The following TULP1 variants were observed in gnomAD, a reference collection of about 807,000 sequenced individuals.
TULP1 encodes the protein tubby-related protein 1.
TULP1 carries 50 observed loss-of-function variants against 67.1 expected under a neutral mutation model. That is an observed-to-expected ratio of 0.75 (90% CI 0.59 to 0.94). The LOEUF is 0.94. Ranked by LOEUF, TULP1 falls within the 40% of genes least tolerant of loss-of-function variation. The pLI is 0.00. For missense variants in TULP1, 746 were observed against 734.1 expected (o/e 1.02, Z -0.19); for synonymous variants, 297 against 294.0 (o/e 1.01, Z -0.11).
At chr6:35,512,150 G>A in intron 3 of TULP1, 30 bp downstream of exon 3, 1 of 1,306,868 alleles carries the variant, frequency 7.7e-7, no homozygotes, top group African/African-American at 1.5e-5. Flanking sequence ...CACACCCTGG[G>A]GGTCCACCCG....
intron 8 of TULP1, among the ~76,000 whole-genome samples, chr6:35,508,822 G>A (rs980405445): frequency 1.3e-5 from 2 of 152,120 alleles, no homozygotes; most frequent in African/African-American, 4.8e-5. Context: ...GCTGTAGGGT[G>A]GAAACATTTT....
chr6:35,498,565 C>T lies in TULP1; in HGVS notation c.1496-105G>A, dbSNP rs1768759349. The T allele has an allele frequency of 2.6e-6, 4 of 1,533,410 alleles. No individual in the cohort carries two copies. The South Asian group carries it at 4.7e-5, about 18-fold the overall frequency. The allele number at this position is 1,533,410 out of a possible 1,614,324, so 95.0% of individuals were successfully genotyped here. ...GGGCAGTCTGTCCCTTGCCTTGGGGCTCCAACCCTCAGCCACCATCTCAGT... is the reference window on the plus strand; with the variant it reads ...GGGCAGTCTGTCCCTTGCCTTGGGGTTCCAACCCTCAGCCACCATCTCAGT... On this transcript the variant is annotated intron_variant, in intron 14 of 14. Coordinates refer to ENST00000229771, the MANE Select transcript of TULP1 (RefSeq NM_003322.6). This position sits in a 1 kb window ranked among gnomAD's most constrained non-coding sequence, Gnocchi z 6.7.
At position 35,498,332 on chromosome 6, in the gene TULP1, C is replaced by A; in HGVS notation, c.1624G>T (p.Glu542Ter). 1 of 1,612,262 alleles carries A rather than the reference C, an allele frequency of 6.2e-7. No homozygotes were observed. Among genetic ancestry groups the A allele is most frequent in the Non-Finnish European group, 8.5e-7 (1 of 1,179,424 alleles). ...GCGCTGAGGGGCTGCTGGGGTCACTCGCAGGCCAGCTTCCCGTCGAAACTG... is the reference window on the plus strand; with the variant it reads ...GCGCTGAGGGGCTGCTGGGGTCACTAGCAGGCCAGCTTCCCGTCGAAACTG... Reference protein sequence around the residue: ...LSSFDGKLACE With the variant: ...LSSFDGKLAC Residue 542 changes from glutamate (E) to a stop codon, truncating the protein, a stop_gained, in exon 15 of 15, where the codon GAG becomes TAG. Coordinates refer to ENST00000229771, the MANE Select transcript of TULP1 (RefSeq NM_003322.6). LOFTEE classifies it high-confidence loss of function. This position sits in a 1 kb window ranked among gnomAD's most constrained non-coding sequence, Gnocchi z 6.7.
Position 35,511,759 on chromosome 6 carries a change from G to A in TULP1, c.238C>T (p.Gln80Ter), listed in dbSNP as rs1309100490. 3 of 1,582,762 alleles carry A rather than the reference G, an allele frequency of 1.9e-6. No individual in the cohort carries two copies. The highest frequency in any genetic ancestry group is 1.3e-5 in the African/African-American group (1 of 74,186). Residue 80 changes from glutamine (Q) to a stop codon, truncating the protein, a stop_gained, in exon 4 of 15, where the codon CAG (glutamine) becomes TAG (stop). Transcript: ENST00000229771. LOFTEE classifies it high-confidence loss of function. ...PREEPSPDPA[Q>*]ARAPQTVYAR... The stretch of plus-strand genomic sequence containing the variant: ...TAGACCGTCTGCGGCGCCCGGGCCT[G>A]GGCTGGGTCTGGGGAAGGCTCCTCC...
chr6:35,512,103 ACC>A (rs1761220309), intron 3 of TULP1, 75 bp downstream of exon 3: 1 of 687,722 alleles, frequency 1.5e-6, no homozygotes, highest in African/African-American at 2.1e-5. Context: ...GCTCGGCGAC[ACC>A]CGCGCCGGCC....
rs377661292 is a variant in TULP1 at position 35,510,042 on chromosome 6, G to A, written c.500-114C>T. On this transcript the variant is annotated intron_variant, in intron 5 of 14. Coordinates refer to ENST00000229771, the MANE Select transcript of TULP1 (RefSeq NM_003322.6). ...CAGGGAGGCTGAAAGCTTGACAGGGGCCCACAGCCTGCCTTCTTTTTCTTT... is the reference window on the plus strand; with the variant it reads ...CAGGGAGGCTGAAAGCTTGACAGGGACCCACAGCCTGCCTTCTTTTTCTTT... The A allele has an allele frequency of 2.3e-4, 219 of 944,288 alleles. No individual in the cohort carries two copies. The South Asian group carries it at 2.8e-3, about 12-fold the overall frequency. The allele number at this position is 944,288 out of a possible 1,614,324, so 58.5% of individuals were successfully genotyped here.
chr6:35,498,275 A>T lies in TULP1; in HGVS notation c.*52T>A. Reference sequence around the variant, plus strand: ...GGAGGGACCCTGCCAGCCTCCACTGAATCCTTTCCCCCACGCTGACGGGCT... The same window carrying T: ...GGAGGGACCCTGCCAGCCTCCACTGTATCCTTTCCCCCACGCTGACGGGCT... On this transcript the variant is annotated 3_prime_UTR_variant, in exon 15 of 15. Coordinates refer to ENST00000229771, the MANE Select transcript of TULP1 (RefSeq NM_003322.6). This position sits in a 1 kb window ranked among gnomAD's most constrained non-coding sequence, Gnocchi z 6.7. 6.2e-7 allele frequency: 1 copy of T among 1,604,424 alleles called. No individual in the cohort carries two copies.
intron 13 of TULP1, among the ~76,000 whole-genome samples, chr6:35,501,946 C>T (rs7738975): frequency 0.16 from 24,135 of 152,140 alleles, 2,117 homozygotes; most frequent in African/African-American, 0.22. Context: ...CTCCTCTCCC[C>T]CCAGCCACAC....
At position 35,498,259 on chromosome 6, in the gene TULP1, C is replaced by T; in HGVS notation, c.*68G>A. On this transcript the variant is annotated 3_prime_UTR_variant, in exon 15 of 15. Coordinates refer to ENST00000229771, the MANE Select transcript of TULP1 (RefSeq NM_003322.6). This position sits in a 1 kb window ranked among gnomAD's most constrained non-coding sequence, Gnocchi z 6.7. ...CCGCGGGAGCTTTGCTGGAGGGACC[C>T]TGCCAGCCTCCACTGAATCCTTTCC... 6.3e-7 allele frequency: 1 copy of T among 1,588,852 alleles called. No homozygotes were observed. Among genetic ancestry groups the T allele is most frequent in the Non-Finnish European group, 8.5e-7 (1 of 1,172,006 alleles).
intron 13 of TULP1, among the ~76,000 whole-genome samples, chr6:35,501,641 G>A (rs922781319): frequency 4.0e-5 from 6 of 151,554 alleles, no homozygotes; most frequent in Non-Finnish European, 7.4e-5. Context: ...GCAAAACCGC[G>A]TCTCTACTGA....
At chr6:35,499,124 A>G (rs1205772499) in intron 14 of TULP1, among the ~76,000 whole-genome samples, 3 of 152,198 alleles carry the variant, frequency 2.0e-5, no homozygotes, top group Non-Finnish European at 4.4e-5. Context: ...GTGAACCCAG[A>G]GACTTATGGG....
chr6:35,505,333 C>T (rs1214983305), intron 11 of TULP1, among the ~76,000 whole-genome samples: 1 of 152,208 alleles, frequency 6.6e-6, no homozygotes, highest in Admixed American at 6.5e-5. Context: ...TATGGGAAGA[C>T]AGCACAGGAT....
intron 4 of TULP1, 47 bp from the exon 5 acceptor site, chr6:35,511,057 T>C: frequency 6.3e-7 from 1 of 1,598,372 alleles, no homozygotes. Context: ...CGGGCCCTCC[T>C]TATCTGGGGA....
At position 35,512,195 on chromosome 6, in the gene TULP1, G is replaced by T. The variant is rs755762321; in HGVS notation, c.175C>A (p.Pro59Thr). ...PESPCPTGSK[P>T]RKPGAGRTGR... ...CCCCGCCCACCTCCGGGCTTCCGGGGCTTGGATCCCGTGGGGCAGGGGGAT... is the reference window on the plus strand; with the variant it reads ...CCCCGCCCACCTCCGGGCTTCCGGGTCTTGGATCCCGTGGGGCAGGGGGAT... Residue 59 changes from proline to threonine, a missense_variant, in exon 3 of 15, where the codon CCC becomes ACC. Pro to Thr is a conservative substitution (Grantham distance 38). Around this residue, in one of 3 missense-constraint regions of TULP1, gnomAD observed 359 missense variants for 341.9 expected, o/e 1.05. Transcript: ENST00000229771. 3 of 1,348,456 alleles carry T rather than the reference G, an allele frequency of 2.2e-6. No homozygotes were observed. The highest frequency in any genetic ancestry group is 2.9e-6 in the Non-Finnish European group (3 of 1,049,208). The allele number at this position is 1,348,456 out of a possible 1,614,324, so 83.5% of individuals were successfully genotyped here.
At chr6:35,509,346 C>A in intron 7 of TULP1, 34 bp from the exon 8 acceptor site, 18 of 1,602,454 alleles carry the variant, frequency 1.1e-5, no homozygotes, top group Non-Finnish European at 1.5e-5. Flanking sequence ...GCTGTGAACT[C>A]CTCACCCTGG....
At position 35,503,460 on chromosome 6, in the gene TULP1, G is replaced by A; in HGVS notation, c.1323+99C>T. On this transcript the variant is annotated intron_variant, in intron 13 of 14. Transcript: ENST00000229771. This position sits in a 1 kb window ranked among gnomAD's most constrained non-coding sequence, Gnocchi z 4.0. ...TGGCCAGAATGAATTTGTGTTGGAG[G>A]GTGATGGATGTGCTCAGGGAGTTGG... 8.3e-7 allele frequency: 1 copy of A among 1,201,122 alleles called. No individual in the cohort carries two copies. Among genetic ancestry groups the A allele is most frequent in the Non-Finnish European group, 1.2e-6 (1 of 837,518 alleles). The allele number at this position is 1,201,122 out of a possible 1,614,324, so 74.4% of individuals were successfully genotyped here. A position where few individuals can be genotyped will look rare whatever the true frequency, so the allele number is the denominator to read the frequency against.
chr6:35,500,393 G>GGGCAT (rs1768814028), intron 13 of TULP1, among the ~76,000 whole-genome samples: 2 of 152,244 alleles, frequency 1.3e-5, no homozygotes, highest in African/African-American at 4.8e-5. Context: ...AAATGGCAAG[G>GGGCAT]GGCATCTGGC....
At position 35,512,279 on chromosome 6, in the gene TULP1, C is replaced by CG; in HGVS notation, c.100-10dup. Reference sequence around the variant, plus strand: ...TGTGCCGGGGCGGGTCGCTGCGGAACGGGGGTCAAGAGGAGGTCGAGGAAG... The same window carrying CG: ...TGTGCCGGGGCGGGTCGCTGCGGAACGGGGGGTCAAGAGGAGGTCGAGGAAG... On this transcript the variant is annotated splice_polypyrimidine_tract_variant and intron_variant, in intron 2 of 14. Transcript: ENST00000229771. 1.4e-6 allele frequency: 2 copies of CG among 1,387,736 alleles called. No homozygotes were observed. The highest frequency in any genetic ancestry group is 2.6e-5 in the East Asian group (1 of 38,026). 86.0% of individuals were successfully genotyped at this position (1,387,736 alleles called of 1,614,324 possible).
At chr6:35,500,667 T>C (rs1170728349) in intron 13 of TULP1, among the ~76,000 whole-genome samples, 3 of 152,152 alleles carry the variant, frequency 2.0e-5, no homozygotes, top group Admixed American at 6.5e-5. Flanking sequence ...TTAGAGTGAG[T>C]CCACTCAAGA....
Sources: allele counts gnomAD v4.1 joint callset (sites outside exome capture counted in the v4.1 genomes callset), GRCh38; gene constraint gnomAD v4.1.1; regional missense constraint gnomAD v4.1.1; non-coding constraint Gnocchi (gnomAD v3.1); transcripts MANE v1.5; gene names NCBI Gene and HGNC (gene_info 2026-07-23, HGNC 2026-07-21).